Variants in UNC5D observed in about 807,000 individuals in gnomAD.
UNC5D encodes the protein unc-5 netrin receptor D.
In UNC5D, 39 loss-of-function variants were observed where a neutral mutation model predicts 105.4. The observed-to-expected ratio is 0.37, with a 90% CI of 0.29 to 0.48. The LOEUF is 0.48. Among genes scored for constraint, UNC5D ranks in the 20% least tolerant of loss-of-function variants. The pLI is 0.98. For missense variants in UNC5D, 991 were observed against 1,202.4 expected (o/e 0.82, Z 2.60); for synonymous variants, 452 against 450.4 (o/e 1.00, Z -0.04).
rs1801536581 is a variant in UNC5D, at chr8:35,761,555, A to G, written c.2313+2086A>G. On this transcript the variant is annotated intron_variant, in intron 14 of 16. Coordinates refer to ENST00000404895, the MANE Select transcript of UNC5D (RefSeq NM_080872.4). ...TGGGCTGGATTACATGGAAGTTGTG[A>G]ACATGTATAAATATTTGCCTTTTGT... 3.3e-5 allele frequency among the ~76,000 whole-genome samples: 5 copies of G among 152,230 alleles called. 2 individuals carry two copies. The highest frequency in any genetic ancestry group is 3.3e-4 in the Admixed American group (5 of 15,284).
intron 1 of UNC5D, among the ~76,000 whole-genome samples, chr8:35,367,887 C>A (rs1196201110): frequency 2.0e-5 from 3 of 152,098 alleles, no homozygotes; most frequent in Admixed American, 2.0e-4. Flanking sequence ...ATTTACAAGG[C>A]CCTTTGCTCC....
In UNC5D at chr8:35,442,656, G is replaced by A. The variant is rs1006764880; in HGVS notation, c.104-106636G>A. On this transcript the variant is annotated intron_variant, in intron 1 of 16. Transcript: ENST00000404895. ...TTTCCAGCCAATCCAAGGAATTCAA[G>A]CACAACAAAATTCACCAATGAAAAT... 3.9e-5 allele frequency among the ~76,000 whole-genome samples: 6 copies of A among 151,908 alleles called. No homozygotes were observed. In the South Asian group the frequency reaches 1.2e-3, roughly 32 times the overall value.
chr8:35,546,168 AT>A (rs535503560), intron 1 of UNC5D, among the ~76,000 whole-genome samples: 34 of 152,302 alleles, frequency 2.2e-4, no homozygotes, highest in African/African-American at 8.2e-4. Flanking sequence ...AAGTGCTGGA[AT>A]TACAGACATG....
intron 4 of UNC5D, among the ~76,000 whole-genome samples, chr8:35,644,442 C>T (rs1822929757): frequency 6.6e-6 from 1 of 152,132 alleles, no homozygotes; most frequent in African/African-American, 2.4e-5. Flanking sequence ...AACATTTTCC[C>T]TGTCCTCTAT....
At chr8:35,465,285 G>T (rs1323797244) in intron 1 of UNC5D, among the ~76,000 whole-genome samples, 2 of 152,284 alleles carry the variant, frequency 1.3e-5, no homozygotes, top group African/African-American at 4.8e-5. Flanking sequence ...CCAGCTACTT[G>T]GAAGGCTGAG....
At chr8:35,454,570 T>C (rs1261470023) in intron 1 of UNC5D, among the ~76,000 whole-genome samples, 1 of 152,118 alleles carries the variant, frequency 6.6e-6, no homozygotes, top group Non-Finnish European at 1.5e-5. Context: ...GAAATATTAT[T>C]AAAAAATTCT....
intron 14 of UNC5D, among the ~76,000 whole-genome samples, chr8:35,764,654 A>G (rs534235945): frequency 3.7e-4 from 57 of 152,324 alleles, no homozygotes; most frequent in East Asian, 1.5e-3. Flanking sequence ...AAAAGAGATC[A>G]TAAGTAAAAT....
chr8:35,505,104 T>A (rs1318346856), intron 1 of UNC5D, among the ~76,000 whole-genome samples: 1 of 152,244 alleles, frequency 6.6e-6, no homozygotes, highest in Non-Finnish European at 1.5e-5. Context: ...GTGATTATTA[T>A]ACATCACATG....
At chr8:35,420,512 T>G (rs895050547) in intron 1 of UNC5D, among the ~76,000 whole-genome samples, 2 of 152,190 alleles carry the variant, frequency 1.3e-5, no homozygotes, top group Non-Finnish European at 2.9e-5. Flanking sequence ...AAATTCAGTA[T>G]AAAGTGCTTG....
At chr8:35,267,520 C>A (rs1157840851) in intron 1 of UNC5D, among the ~76,000 whole-genome samples, 1 of 152,080 alleles carries the variant, frequency 6.6e-6, no homozygotes, top group African/African-American at 2.4e-5. Context: ...CTCACTGCAA[C>A]CTCCGCCTCC....
rs751012494 is a variant in UNC5D, at chr8:35,726,278, C to G, written c.1430C>G (p.Pro477Arg). 8 of 1,614,066 alleles carry G rather than the reference C, an allele frequency of 5.0e-6. No individual in the cohort carries two copies. The highest frequency in any genetic ancestry group is 6.8e-6 in the Non-Finnish European group (8 of 1,179,990). ...ELMTESSLFN[P>R]LSDIKVKVQS... is the part of the protein sequence containing the mutation. ...ATGACAGAGTCCTCACTCTTTAACC[C>G]TTTGTCGGACATCAAAGTGAAAGTC... The change falls in exon 10 of 17, where the codon CCT (proline) becomes CGT (arginine). Residue 477 changes from proline to arginine, a missense_variant. Around this residue, in one of 3 missense-constraint regions of UNC5D, gnomAD observed 944 missense variants for 1,131.6 expected, o/e 0.83. Transcript: ENST00000404895.
chr8:35,620,909 G>A (rs910578913), intron 4 of UNC5D, among the ~76,000 whole-genome samples: 2 of 152,132 alleles, frequency 1.3e-5, no homozygotes, highest in Non-Finnish European at 2.9e-5. Flanking sequence ...CTAAGACTTG[G>A]AGAAGCGTAA....
intron 1 of UNC5D, among the ~76,000 whole-genome samples, chr8:35,295,319 A>G (rs1052227072): frequency 4.6e-4 from 70 of 152,294 alleles, no homozygotes; most frequent in African/African-American, 1.5e-3. Flanking sequence ...CATTAATGAC[A>G]TCTTTTTCTT....
intron 1 of UNC5D, among the ~76,000 whole-genome samples, chr8:35,406,916 T>G (rs1010830350): frequency 6.6e-6 from 1 of 152,138 alleles, no homozygotes; most frequent in Non-Finnish European, 1.5e-5. Context: ...AGATGGTATA[T>G]ATGGTGCATG....
At chr8:35,343,293 A>G (rs1811584492) in intron 1 of UNC5D, among the ~76,000 whole-genome samples, 1 of 152,030 alleles carries the variant, frequency 6.6e-6, no homozygotes, top group Non-Finnish European at 1.5e-5. Context: ...AAATTGTACC[A>G]CCTGTGTATT....
At chr8:35,316,071 G>C (rs1486276806) in intron 1 of UNC5D, among the ~76,000 whole-genome samples, 1 of 152,148 alleles carries the variant, frequency 6.6e-6, no homozygotes, top group African/African-American at 2.4e-5. Context: ...GAAATAGGCT[G>C]ACCAACCGAC....
At position 35,425,614 on chromosome 8, in the gene UNC5D, C is replaced by T. The variant is rs1317784847; in HGVS notation, c.104-123678C>T. Among the ~76,000 whole-genome samples the T allele has an allele frequency of 3.9e-5, 6 of 152,248 alleles. No homozygotes were observed. In the East Asian group the frequency reaches 1.2e-3, roughly 29 times the overall value. On this transcript the variant is annotated intron_variant, in intron 1 of 16. Transcript: ENST00000404895. ...AAGGTCAAATTGACTTGCTCAAGGA[C>T]AATGCGTTTCTCAAGGGCTCTGATT...
intron 1 of UNC5D, among the ~76,000 whole-genome samples, chr8:35,321,758 A>C (rs1035496117): frequency 6.6e-6 from 1 of 152,146 alleles, no homozygotes; most frequent in Non-Finnish European, 1.5e-5. Flanking sequence ...GTCTTCCTTG[A>C]AGTTGGAGGT....
At chr8:35,393,425 G>T (rs535765179) in intron 1 of UNC5D, among the ~76,000 whole-genome samples, 3 of 151,854 alleles carry the variant, frequency 2.0e-5, no homozygotes, top group African/African-American at 4.8e-5. Context: ...GAGCCACCGC[G>T]CCCGGCCCTA....
Sources: allele counts gnomAD v4.1 joint callset (sites outside exome capture counted in the v4.1 genomes callset), GRCh38; gene constraint gnomAD v4.1.1; regional missense constraint gnomAD v4.1.1; transcripts MANE v1.5; gene names NCBI Gene and HGNC (gene_info 2026-07-23, HGNC 2026-07-21).